SNED1: variants seen among roughly 807,000 people sequenced by gnomAD.
SNED1 encodes the protein sushi, nidogen and EGF like domains 1, also known as sushi, nidogen and EGF-like domain-containing protein 1.
Under a neutral mutation model 166.7 loss-of-function variants are expected in SNED1, and 81 were observed. That is an observed-to-expected ratio of 0.49 (90% CI 0.41 to 0.58). SNED1 has a LOEUF of 0.58. Among genes scored for constraint, SNED1 ranks in the 20% least tolerant of loss-of-function variants. The probability of loss-of-function intolerance (pLI) is 0.00; values close to 1 mark genes in which losing one functional copy is unlikely to be tolerated. For synonymous variants in SNED1, 762 were observed against 822.0 expected (o/e 0.93, Z 1.25); for missense variants, 1,604 against 2,000.2 (o/e 0.80, Z 3.78).
At position 241,069,946 on chromosome 2, in the gene SNED1, G is replaced by A. The variant is rs764311419; in HGVS notation, c.3334G>A (p.Ala1112Thr). ...TRPLPPANLT[A>T]ARVTATSAHV... ...GCCCCTGCCTCCAGCAAACCTGACC[G>A]CCGCCCGAGTCACTGCCACCTCTGC... Residue 1112 changes from alanine (A) to threonine (T), a missense_variant, in exon 24 of 32, where the codon GCC becomes ACC. By Grantham distance (58) the Ala-to-Thr change is moderately conservative. Around this residue, in one of 2 missense-constraint regions of SNED1, gnomAD observed 1,237 missense variants for 1,620.8 expected, o/e 0.76. Transcript: ENST00000310397. The surrounding 1 kb of genome is among the most constrained non-coding windows in gnomAD (Gnocchi z 4.9). The A allele has an allele frequency of 6.8e-6, 11 of 1,612,694 alleles. No individual in the cohort carries two copies. In the East Asian group the frequency reaches 1.6e-4, roughly 23 times the overall value.
chr2:241,081,516 C>T (rs933067788), intron 27 of SNED1, among the ~76,000 whole-genome samples, 161 bp from the exon 28 acceptor site: 4 of 152,234 alleles, frequency 2.6e-5, no homozygotes, highest in Non-Finnish European at 5.9e-5. Context: ...ACTGGGACCA[C>T]GCTCTAGGGC....
rs1475394476 is a variant in SNED1, at chr2:241,073,929, C to T, written c.3916+565C>T. 6.3e-6 allele frequency: 1 copy of T among 158,872 alleles called. No homozygotes were observed. The highest frequency in any genetic ancestry group is 1.4e-5 in the Non-Finnish European group (1 of 72,628). The allele number at this position is 158,872 out of a possible 1,614,324, so 9.8% of individuals were successfully genotyped here. The stretch of plus-strand genomic sequence containing the variant: ...CTGCTGAGCACCTGCAGTAAGAGTT[C>T]CCAGACGCTCACGAGGCAGTTCCCC... On this transcript the variant is annotated intron_variant, in intron 27 of 31. Transcript: ENST00000310397. This position sits in a 1 kb window ranked among gnomAD's most constrained non-coding sequence, Gnocchi z 6.6.
At position 241,003,097 on chromosome 2, in the gene SNED1, C is replaced by T. The variant is rs914146570; in HGVS notation, c.213+4047C>T. Among the ~76,000 whole-genome samples, 312 of 152,112 alleles carry T rather than the reference C, an allele frequency of 2.1e-3. 3 individuals carry two copies. The highest frequency in any genetic ancestry group is 2.0e-3 in the Non-Finnish European group (133 of 68,000). On this transcript the variant is annotated intron_variant, in intron 1 of 31. Coordinates refer to ENST00000310397, the MANE Select transcript of SNED1 (RefSeq NM_001080437.3). The stretch of plus-strand genomic sequence containing the variant: ...TCTCTCCTCGCCAGAATCCCCGCTA[C>T]GCTTCCCTGCCCCCCTCCGCCCTCC...
chr2:241,052,209 C>T (rs1292587416), intron 14 of SNED1, 52 bp downstream of exon 14: 20 of 1,539,364 alleles, frequency 1.3e-5, no homozygotes, highest in Non-Finnish European at 1.5e-5. Context: ...ACCCTCTCTG[C>T]AGATGTGAAA....
Position 241,018,154 on chromosome 2 carries a change from C to T in SNED1, c.214-12130C>T, listed in dbSNP as rs1354173639. Reference sequence around the variant, plus strand: ...GCCATTCGCCTTGCCGTGGTCCCTGCTGTGCTGATTTGGTTAAGTCTTTTT... The same window carrying T: ...GCCATTCGCCTTGCCGTGGTCCCTGTTGTGCTGATTTGGTTAAGTCTTTTT... On this transcript the variant is annotated intron_variant, in intron 1 of 31. Coordinates refer to ENST00000310397, the MANE Select transcript of SNED1 (RefSeq NM_001080437.3). The surrounding 1 kb of genome is among the most constrained non-coding windows in gnomAD (Gnocchi z 5.4). 6.6e-6 allele frequency among the ~76,000 whole-genome samples: 1 copy of T among 152,226 alleles called. No individual in the cohort carries two copies. The highest frequency in any genetic ancestry group is 2.4e-5 in the African/African-American group (1 of 41,462).
At chr2:241,057,985 T>TATGATAGAA (rs1382390290) in intron 16 of SNED1, among the ~76,000 whole-genome samples, 1 of 151,834 alleles carries the variant, frequency 6.6e-6, no homozygotes, top group East Asian at 1.9e-4. Flanking sequence ...ATAGAAAAAA[T>TATGATAGAA]ACAAATATGA....
At chr2:241,009,638 C>T (rs567075559) in intron 1 of SNED1, among the ~76,000 whole-genome samples, 193 of 152,202 alleles carry the variant, frequency 1.3e-3, no homozygotes, top group Middle Eastern at 3.4e-3. Flanking sequence ...GAGGACATGG[C>T]ATCAACACTC....
Position 241,094,049 on chromosome 2 carries a change from G to A in SNED1, c.*2413G>A, listed in dbSNP as rs2064224603. The A allele has an allele frequency of 6.1e-6, 2 of 326,568 alleles. No homozygotes were observed. The highest frequency in any genetic ancestry group is 2.2e-5 in the African/African-American group (1 of 45,942). 20.2% of individuals were successfully genotyped at this position (326,568 alleles called of 1,614,324 possible). On this transcript the variant is annotated 3_prime_UTR_variant, in exon 32 of 32. Coordinates refer to ENST00000310397, the MANE Select transcript of SNED1 (RefSeq NM_001080437.3). This position sits in a 1 kb window ranked among gnomAD's most constrained non-coding sequence, Gnocchi z 4.3. Reference sequence around the variant, plus strand: ...CAACAGCCTAGGTTCTAGGGAGGGTGGCAGTGACCGGGATGCCACAATGGA... The same window carrying A: ...CAACAGCCTAGGTTCTAGGGAGGGTAGCAGTGACCGGGATGCCACAATGGA...
chr2:241,073,882 G>A lies in SNED1; in HGVS notation c.3916+518G>A, dbSNP rs937766700. The A allele has an allele frequency of 4.1e-5, 7 of 172,288 alleles. No individual in the cohort carries two copies. The highest frequency in any genetic ancestry group is 6.0e-5 in the Admixed American group (1 of 16,614). The allele number at this position is 172,288 out of a possible 1,614,324, so 10.7% of individuals were successfully genotyped here. On this transcript the variant is annotated intron_variant, in intron 27 of 31. Transcript: ENST00000310397. This position sits in a 1 kb window ranked among gnomAD's most constrained non-coding sequence, Gnocchi z 6.6. ...GCCTCGTGAGGATCGAGGCCAGCAC[G>A]TCCCTGCAGGGCACCAAGCATCTGC... is the stretch of plus-strand genomic sequence containing the variant.
At chr2:241,023,144 C>G (rs2060820018) in intron 1 of SNED1, among the ~76,000 whole-genome samples, 1 of 151,762 alleles carries the variant, frequency 6.6e-6, no homozygotes, top group Admixed American at 6.6e-5. Flanking sequence ...AGTATATTTA[C>G]TTACTATATA....
chr2:241,033,100 T>A (rs569690721), intron 2 of SNED1, among the ~76,000 whole-genome samples: 1 of 152,338 alleles, frequency 6.6e-6, no homozygotes, highest in African/African-American at 2.4e-5. Context: ...CTGTATTTTC[T>A]TCTAGGACTT....
rs2064192459 is a variant in SNED1, at chr2:241,093,648, T to G, written c.*2012T>G. ...TTAGAAGCCTTGTGTCAACAAGAAC[T>G]GGCTCCTGAGTCCCAAGTGCTGTCA... On this transcript the variant is annotated 3_prime_UTR_variant, in exon 32 of 32. Transcript: ENST00000310397. The G allele has an allele frequency of 6.6e-6, 1 of 152,206 alleles. No homozygotes were observed. The highest frequency in any genetic ancestry group is 2.4e-5 in the African/African-American group (1 of 41,428). 9.4% of individuals were successfully genotyped at this position (152,206 alleles called of 1,614,324 possible). A position where few individuals can be genotyped will look rare whatever the true frequency, so the allele number is the denominator to read the frequency against.
chr2:241,071,512 CA>C, intron 24 of SNED1, 63 bp from the exon 25 acceptor site: 1 of 1,530,468 alleles, frequency 6.5e-7, no homozygotes. Context: ...ACCCATGCCA[CA>C]GGGGCAGGGA....
chr2:241,077,035 C>CAT (rs2063058797), intron 27 of SNED1, among the ~76,000 whole-genome samples: 1 of 151,060 alleles, frequency 6.6e-6, no homozygotes, highest in East Asian at 1.9e-4. Flanking sequence ...GCTGAGATTG[C>CAT]GCCACTGCAC....
Position 241,018,968 on chromosome 2 carries a change from C to T in SNED1, c.214-11316C>T, listed in dbSNP as rs113642714. Reference sequence around the variant, plus strand: ...GCTTCCAGGTAGGTCTGTGTCACCCCGCAGAGGCCCCACATTTTGTCCTGT... The same window carrying T: ...GCTTCCAGGTAGGTCTGTGTCACCCTGCAGAGGCCCCACATTTTGTCCTGT... On this transcript the variant is annotated intron_variant, in intron 1 of 31. Coordinates refer to ENST00000310397, the MANE Select transcript of SNED1 (RefSeq NM_001080437.3). This position sits in a 1 kb window ranked among gnomAD's most constrained non-coding sequence, Gnocchi z 5.4. Among the ~76,000 whole-genome samples the T allele has an allele frequency of 4.6e-5, 7 of 152,322 alleles. No homozygotes were observed. Among genetic ancestry groups the T allele is most frequent in the African/African-American group, 9.6e-5 (4 of 41,578 alleles).
intron 4 of SNED1, among the ~76,000 whole-genome samples, chr2:241,036,031 CGGGGTGGGTGG>C (rs1428365997): frequency 1.6e-5 from 1 of 64,452 alleles, no homozygotes; most frequent in Non-Finnish European, 2.9e-5. Context: ...AGGTGCGTCA[CGGGGTGGGTGG>C]GGGGTGGAGG....
intron 8 of SNED1, 102 bp from the exon 9 acceptor site, chr2:241,048,213 A>G (rs1270418296): frequency 2.2e-6 from 3 of 1,335,960 alleles, no homozygotes; most frequent in Admixed American, 6.0e-5. Flanking sequence ...CTTGGGAATG[A>G]CAACAGAGGT....
chr2:241,060,943 CA>C (rs962911960), intron 16 of SNED1, among the ~76,000 whole-genome samples: 5 of 151,206 alleles, frequency 3.3e-5, no homozygotes, highest in Non-Finnish European at 4.4e-5. Context: ...AAAAAACAAC[CA>C]AAAAAAACTA....
chr2:241,053,089 C>A (rs937621576), intron 15 of SNED1, 64 bp from the exon 16 acceptor site: 106 of 1,499,110 alleles, frequency 7.1e-5, no homozygotes, highest in Non-Finnish European at 8.9e-5. Flanking sequence ...CGGGCAGAGG[C>A]AGGGCGGTGG....
Sources: gnomAD v4.1 joint callset for allele counts (sites outside exome capture counted in the v4.1 genomes callset) on GRCh38, gnomAD v4.1.1 for gene constraint, gnomAD v4.1.1 regional missense constraint, Gnocchi (gnomAD v3.1) non-coding constraint, MANE v1.5 for transcripts, NCBI Gene and HGNC (gene_info 2026-07-23, HGNC 2026-07-21) for gene names.